Variants in GTF2E1 observed in about 807,000 individuals in gnomAD.
The protein encoded by GTF2E1 is general transcription factor IIE subunit 1, also known as TFIIE alpha subunit.
A neutral mutation model predicts 34.9 loss-of-function variants in GTF2E1; 14 were observed. The ratio of observed to expected loss-of-function variants is 0.40; its 90% CI spans 0.27 to 0.63. The LOEUF is 0.63. GTF2E1 is among the 20% of genes least tolerant of loss of function. The pLI is 0.39. For missense variants in GTF2E1, 469 were observed against 557.7 expected, an observed-to-expected ratio of 0.84 and a Z score of 1.60; for synonymous variants, 188 against 192.9, an observed-to-expected ratio of 0.97 and a Z score of 0.21.
At chr3:120,775,402 A>G (rs986661425) in intron 3 of GTF2E1, among the ~76,000 whole-genome samples, 1 of 152,210 alleles carries the variant, frequency 6.6e-6, no homozygotes, top group Admixed American at 6.5e-5. Flanking sequence ...AGTTCAAGAA[A>G]CATGAAGATG....
At chr3:120,765,210 G>T (rs1466816988) in intron 2 of GTF2E1, among the ~76,000 whole-genome samples, 2 of 151,930 alleles carry the variant, frequency 1.3e-5, no homozygotes, top group Non-Finnish European at 2.9e-5. Flanking sequence ...TTCTGTAGAA[G>T]AATCCTGAGT....
intron 2 of GTF2E1, among the ~76,000 whole-genome samples, chr3:120,766,418 A>G (rs1709308043): frequency 6.6e-6 from 1 of 152,180 alleles, no homozygotes; most frequent in Non-Finnish European, 1.5e-5. Flanking sequence ...GAAGCTTATC[A>G]TTCAAGACCA....
At chr3:120,773,745 A>G (rs1427775048) in intron 3 of GTF2E1, among the ~76,000 whole-genome samples, 1 of 152,186 alleles carries the variant, frequency 6.6e-6, no homozygotes, top group Non-Finnish European at 1.5e-5. Context: ...AAATAATATA[A>G]AAAGATTCAA....
chr3:120,781,562 C>G lies in GTF2E1; in HGVS notation c.*92C>G, dbSNP rs899840601. Reference sequence around the variant, plus strand: ...AAAGTATTTAAGTGGCTTTCTGCCCCTCTTGATGTAAGCAACTGTCCATCC... The same window carrying G: ...AAAGTATTTAAGTGGCTTTCTGCCCGTCTTGATGTAAGCAACTGTCCATCC... On this transcript the variant is annotated 3_prime_UTR_variant, in exon 5 of 5. Transcript: ENST00000283875. 15 of 942,514 alleles carry G rather than the reference C, an allele frequency of 1.6e-5. No homozygotes were observed. In the African/African-American group the frequency reaches 1.8e-4, roughly 11 times the overall value. The allele number at this position is 942,514 out of a possible 1,614,324, so 58.4% of individuals were successfully genotyped here.
Position 120,746,489 on chromosome 3 carries a change from CA to C in GTF2E1, c.-31+3709del, listed in dbSNP as rs10662803. Among the ~76,000 whole-genome samples the C allele has an allele frequency of 5.9e-3, 800 of 135,756 alleles. 2 individuals carry two copies. The highest frequency in any genetic ancestry group is 0.013 in the African/African-American group (477 of 37,692). 89.1% of individuals were successfully genotyped at this position (135,756 alleles called of 152,430 possible). A position where few individuals can be genotyped will look rare whatever the true frequency, so the allele number is the denominator to read the frequency against. ...AGGTGACAGATCGAGACCCTGTCTC[CA>C]AAAAAAAAAAAAATTATCCTGTGGG... On this transcript the variant is annotated intron_variant, in intron 1 of 4. Transcript: ENST00000283875.
intron 3 of GTF2E1, among the ~76,000 whole-genome samples, chr3:120,771,792 A>G (rs966179188): frequency 9.9e-5 from 15 of 152,184 alleles, no homozygotes; most frequent in African/African-American, 3.4e-4. Context: ...AAAATTTTGT[A>G]TCTGTAAGAG....
intron 3 of GTF2E1, among the ~76,000 whole-genome samples, chr3:120,773,517 G>C (rs1709369630): frequency 6.6e-6 from 1 of 152,106 alleles, no homozygotes; most frequent in Non-Finnish European, 1.5e-5. Context: ...CCTAACCCAA[G>C]AATTGATGGA....
chr3:120,768,786 A>T (rs1709329009), intron 2 of GTF2E1, among the ~76,000 whole-genome samples: 1 of 152,224 alleles, frequency 6.6e-6, no homozygotes, highest in Non-Finnish European at 1.5e-5. Context: ...AGCTTGGAAC[A>T]GTTGGAGAAT....
At chr3:120,758,631 C>G (rs1464560562) in intron 2 of GTF2E1, among the ~76,000 whole-genome samples, 1 of 151,672 alleles carries the variant, frequency 6.6e-6, no homozygotes, top group East Asian at 1.9e-4. Context: ...TCCATGTGTT[C>G]TCGTTGTTAA....
At chr3:120,756,207 A>G (rs1004510131) in intron 2 of GTF2E1, among the ~76,000 whole-genome samples, 1 of 152,290 alleles carries the variant, frequency 6.6e-6, no homozygotes, top group African/African-American at 2.4e-5. Flanking sequence ...TGGTGATTGT[A>G]CTAATTTACA....
At chr3:120,776,372 C>T (rs749635770) in intron 3 of GTF2E1, 51 bp from the exon 4 acceptor site, 7 of 1,549,672 alleles carry the variant, frequency 4.5e-6, no homozygotes, top group Non-Finnish European at 5.2e-6. Flanking sequence ...TTTTCCAACA[C>T]CAAGACATTA....
chr3:120,762,082 G>A (rs1709269422), intron 2 of GTF2E1, among the ~76,000 whole-genome samples: 1 of 152,090 alleles, frequency 6.6e-6, no homozygotes, highest in African/African-American at 2.4e-5. Context: ...GAGCTACCGC[G>A]CCTGGCCAAT....
At chr3:120,747,539 G>A (rs866687272) in intron 1 of GTF2E1, among the ~76,000 whole-genome samples, 11 of 152,204 alleles carry the variant, frequency 7.2e-5, no homozygotes, top group Middle Eastern at 3.4e-3. Context: ...GAGAATGATG[G>A]TTTCCAATTT....
intron 1 of GTF2E1, among the ~76,000 whole-genome samples, chr3:120,747,306 T>G (rs1245837406): frequency 6.6e-6 from 1 of 152,034 alleles, no homozygotes; most frequent in Non-Finnish European, 1.5e-5. Flanking sequence ...TGCAGGTTAG[T>G]TACATATGTA....
chr3:120,762,695 A>T (rs1377593333), intron 2 of GTF2E1, among the ~76,000 whole-genome samples: 3 of 152,170 alleles, frequency 2.0e-5, no homozygotes, highest in African/African-American at 7.2e-5. Context: ...AAATGAAAGG[A>T]TGTTAAGATT....
At chr3:120,765,540 A>G (rs1709300225) in intron 2 of GTF2E1, among the ~76,000 whole-genome samples, 1 of 152,226 alleles carries the variant, frequency 6.6e-6, no homozygotes, top group South Asian at 2.1e-4. Context: ...GCTGATAGGA[A>G]GTTGGAAGGA....
rs1709446886 is a variant in GTF2E1 at position 120,781,433 on chromosome 3, C to T, written c.1283C>T (p.Ala428Val). 6.2e-7 allele frequency: 1 copy of T among 1,613,874 alleles called. No homozygotes were observed. Among genetic ancestry groups the T allele is most frequent in the African/African-American group, 1.3e-5 (1 of 74,914 alleles). The change falls in exon 5 of 5, where the codon GCA becomes GTA. Residue 428 changes from alanine (A) to valine (V), a missense_variant. Transcript: ENST00000283875. ...MTPEEKEAYI[A>V]MGQRMFEDLF... Reference sequence around the variant, plus strand: ...CCAGAAGAAAAGGAAGCATATATAGCAATGGGACAACGCATGTTTGAGGAC... The same window carrying T: ...CCAGAAGAAAAGGAAGCATATATAGTAATGGGACAACGCATGTTTGAGGAC...
chr3:120,760,773 G>A (rs892881778), intron 2 of GTF2E1, among the ~76,000 whole-genome samples: 1 of 152,176 alleles, frequency 6.6e-6, no homozygotes, highest in South Asian at 2.1e-4. Flanking sequence ...CAGCGATGAA[G>A]CCGACTTGAT....
chr3:120,781,223 C>T lies in GTF2E1; in HGVS notation c.1073C>T (p.Thr358Ile). The T allele has an allele frequency of 1.2e-6, 2 of 1,614,076 alleles. No homozygotes were observed. Among genetic ancestry groups the T allele is most frequent in the East Asian group, 2.2e-5 (1 of 44,866 alleles). ...AANGSDSESE[T>I]SESDDDSPPR... is the part of the protein sequence containing the mutation. Reference sequence around the variant, plus strand: ...AATGGCAGTGACTCAGAAAGCGAGACCAGTGAGTCAGATGATGATTCTCCA... The same window carrying T: ...AATGGCAGTGACTCAGAAAGCGAGATCAGTGAGTCAGATGATGATTCTCCA... Residue 358 changes from threonine (T) to isoleucine (I), a missense_variant, in exon 5 of 5, where the codon ACC (threonine) becomes ATC (isoleucine). Physicochemically the swap from Thr to Ile is moderately conservative, Grantham distance 89 (BLOSUM62 -1). Coordinates refer to ENST00000283875, the MANE Select transcript of GTF2E1 (RefSeq NM_005513.3).
Sources: allele counts gnomAD v4.1 joint callset (sites outside exome capture counted in the v4.1 genomes callset), GRCh38; gene constraint gnomAD v4.1.1; transcripts MANE v1.5; gene names NCBI Gene and HGNC (gene_info 2026-07-23, HGNC 2026-07-21).